FANCC: variants seen among roughly 807,000 people sequenced by gnomAD.
The protein encoded by FANCC is FA complementation group C.
Under a neutral mutation model 71.3 loss-of-function variants are expected in FANCC, and 55 were observed. The observed-to-expected ratio is 0.77, with a 90% CI of 0.62 to 0.97. FANCC has a LOEUF of 0.97. FANCC is among the 50% of genes least tolerant of loss of function. The pLI is 0.00. For missense variants in FANCC, 678 were observed against 670.9 expected (o/e 1.01, Z -0.12); for synonymous variants, 275 against 244.9 (o/e 1.12, Z -1.15).
chr9:95,102,913 G>A (rs1221420828), intron 14 of FANCC, among the ~76,000 whole-genome samples: 4 of 152,184 alleles, frequency 2.6e-5, no homozygotes, highest in African/African-American at 7.2e-5. Context: ...GGCCTGCAAC[G>A]AGCCCGCCAG....
intron 5 of FANCC, 128 bp downstream of exon 5, chr9:95,171,909 G>A: frequency 1.4e-6 from 1 of 695,490 alleles, no homozygotes; most frequent in Non-Finnish European, 2.6e-6. Context: ...TCTGCCCAAG[G>A]TAAGAAGAGA....
At chr9:95,116,097 C>T (rs907870447) in intron 11 of FANCC, among the ~76,000 whole-genome samples, 2 of 152,250 alleles carry the variant, frequency 1.3e-5, no homozygotes, top group Non-Finnish European at 2.9e-5. Context: ...GTTACACAAA[C>T]GGAAAGGTAA....
intron 4 of FANCC, among the ~76,000 whole-genome samples, chr9:95,197,386 T>A (rs1047705661): frequency 5.3e-5 from 8 of 151,986 alleles, no homozygotes; most frequent in African/African-American, 1.9e-4. Context: ...AAAAACTTTT[T>A]AAATTAGCCG....
At chr9:95,114,122 A>G (rs1381516368) in intron 12 of FANCC, 2 of 191,562 alleles carry the variant, frequency 1.0e-5, no homozygotes, top group East Asian at 2.3e-4. Context: ...CCCAGAATTT[A>G]TATTAGAATA....
intron 6 of FANCC, among the ~76,000 whole-genome samples, chr9:95,166,364 A>G (rs1369779977): frequency 6.6e-6 from 1 of 151,332 alleles, no homozygotes; most frequent in African/African-American, 2.4e-5. Context: ...TTTCCTTCTC[A>G]TTTTCCATTG....
chr9:95,299,999 T>A (rs1166503266), intron 1 of FANCC, among the ~76,000 whole-genome samples: 1 of 152,168 alleles, frequency 6.6e-6, no homozygotes, highest in African/African-American at 2.4e-5. Context: ...CTATCAGAAC[T>A]CCCAGAAGTA....
At chr9:95,246,686 T>C (rs1429539842) in intron 3 of FANCC, among the ~76,000 whole-genome samples, 1 of 152,112 alleles carries the variant, frequency 6.6e-6, no homozygotes, top group Admixed American at 6.5e-5. Flanking sequence ...CTGGAGGCCA[T>C]GGAGACACTC....
intron 14 of FANCC, among the ~76,000 whole-genome samples, chr9:95,103,929 C>T (rs535871893): frequency 1.3e-5 from 2 of 152,332 alleles, no homozygotes; most frequent in East Asian, 3.9e-4. Flanking sequence ...CTTGAGCTGG[C>T]ACTGCTCTCC....
intron 14 of FANCC, 99 bp downstream of exon 14, chr9:95,106,967 G>A (rs2071498033): frequency 6.0e-6 from 7 of 1,172,804 alleles, no homozygotes; most frequent in South Asian, 5.2e-5. Context: ...CAGCATCCTG[G>A]TACACACACT....
chr9:95,126,998 AG>A, intron 8 of FANCC: 1 of 233,456 alleles, frequency 4.3e-6, no homozygotes, highest in East Asian at 9.9e-5. Context: ...CCGTGCCTGC[AG>A]CCTGTTTATT....
rs769817519 is a variant in FANCC at position 95,101,440 on chromosome 9, C to T, written c.*267G>A. On this transcript the variant is annotated 3_prime_UTR_variant, in exon 15 of 15. Coordinates refer to ENST00000289081, the MANE Select transcript of FANCC (RefSeq NM_000136.3). ...GGCCTTTGCTTTAGTAATTATCAAG[C>T]TGACGGTCTGGCCGGGCGGGCACCA... 46 of 525,052 alleles carry T rather than the reference C, an allele frequency of 8.8e-5. No individual in the cohort carries two copies. Among genetic ancestry groups the T allele is most frequent in the Admixed American group, 6.3e-5 (2 of 31,808 alleles). 32.5% of individuals were successfully genotyped at this position (525,052 alleles called of 1,614,324 possible). A position where few individuals can be genotyped will look rare whatever the true frequency, so the allele number is the denominator to read the frequency against.
At chr9:95,143,995 G>C (rs1418479064) in intron 7 of FANCC, among the ~76,000 whole-genome samples, 1 of 152,212 alleles carries the variant, frequency 6.6e-6, no homozygotes, top group Non-Finnish European at 1.5e-5. Flanking sequence ...CAAGACCAAA[G>C]ACACCAGCCA....
intron 4 of FANCC, among the ~76,000 whole-genome samples, chr9:95,195,488 T>C (rs1827395271): frequency 6.6e-6 from 1 of 152,168 alleles, no homozygotes; most frequent in South Asian, 2.1e-4. Context: ...TCCACGCCTC[T>C]GTCAATATCA....
At chr9:95,247,619 A>G in intron 2 of FANCC, 103 bp from the exon 3 acceptor site, 1 of 774,490 alleles carries the variant, frequency 1.3e-6, no homozygotes, top group Admixed American at 1.9e-5. Flanking sequence ...CTTGTTTAGT[A>G]TACCATTTTT....
At chr9:95,112,363 C>T (rs764899497) in intron 12 of FANCC, among the ~76,000 whole-genome samples, 4 of 152,100 alleles carry the variant, frequency 2.6e-5, no homozygotes, top group African/African-American at 9.7e-5. Flanking sequence ...TGTTCCTGGC[C>T]CCTTTGTTGG....
intron 11 of FANCC, among the ~76,000 whole-genome samples, chr9:95,116,728 C>G (rs996736122): frequency 1.3e-5 from 2 of 152,182 alleles, no homozygotes; most frequent in Non-Finnish European, 2.9e-5. Context: ...ATTCCTGGAT[C>G]AACACCAGTC....
At chr9:95,110,007 A>T (rs1033286061) in intron 13 of FANCC, among the ~76,000 whole-genome samples, 1 of 152,228 alleles carries the variant, frequency 6.6e-6, no homozygotes, top group Non-Finnish European at 1.5e-5. Context: ...AGTCACCAAC[A>T]TGAGCACTGG....
intron 11 of FANCC, among the ~76,000 whole-genome samples, chr9:95,115,073 T>C (rs1226261252): frequency 1.3e-5 from 2 of 152,196 alleles, no homozygotes; most frequent in African/African-American, 4.8e-5. Flanking sequence ...CCCCAGTAGC[T>C]GGGACTACAG....
chr9:95,279,500 T>C (rs1833247458), intron 1 of FANCC, among the ~76,000 whole-genome samples: 1 of 148,426 alleles, frequency 6.7e-6, no homozygotes. Context: ...AGTGAGACCC[T>C]GTCTAAAAAA....
Sources: gnomAD v4.1 joint callset for allele counts (sites outside exome capture counted in the v4.1 genomes callset) on GRCh38, gnomAD v4.1.1 for gene constraint, MANE v1.5 for transcripts, NCBI Gene and HGNC (gene_info 2026-07-23, HGNC 2026-07-21) for gene names.